Variants in ALK observed in about 807,000 individuals in gnomAD.
ALK encodes ALK receptor tyrosine kinase.
ALK carries 74 observed loss-of-function variants against 163.1 expected under a neutral mutation model. The ratio of observed to expected loss-of-function variants is 0.45; its 90% confidence interval spans 0.38 to 0.55. ALK has a LOEUF of 0.55. Among genes scored for constraint, ALK ranks in the 20% least tolerant of loss-of-function variants. ALK has a pLI of 0.00. For synonymous variants in ALK, 960 were observed against 843.2 expected, an observed-to-expected ratio of 1.14 and a Z score of -2.40; for missense variants, 2,063 against 2,105.3, an observed-to-expected ratio of 0.98 and a Z score of 0.39.
At chr2:29,711,564 C>T (rs918221754) in intron 2 of ALK, among the ~76,000 whole-genome samples, 48 of 152,192 alleles carry the variant, frequency 3.2e-4, no homozygotes, top group African/African-American at 1.0e-3. Context: ...CGACTGTTGA[C>T]ATCCCTTCTC....
At chr2:29,534,793 ATGTAAATTC>A (rs1673209843) in intron 3 of ALK, among the ~76,000 whole-genome samples, 1 of 152,136 alleles carries the variant, frequency 6.6e-6, no homozygotes, top group Non-Finnish European at 1.5e-5. Context: ...GTGGCCATGC[ATGTAAATTC>A]TGTCCCCGAA....
intron 1 of ALK, among the ~76,000 whole-genome samples, chr2:29,732,681 G>C (rs2148318587): frequency 6.6e-6 from 1 of 152,270 alleles, no homozygotes; most frequent in Middle Eastern, 3.4e-3. Flanking sequence ...GCTTTTGGCA[G>C]AGCTCTCATA....
intron 6 of ALK, among the ~76,000 whole-genome samples, chr2:29,324,171 A>G (rs1017699984): frequency 1.3e-5 from 2 of 152,340 alleles, no homozygotes; most frequent in South Asian, 4.1e-4. Context: ...TCAATCCTGC[A>G]ACATTTGGCA....
At chr2:29,829,058 C>T (rs1480201965) in intron 1 of ALK, among the ~76,000 whole-genome samples, 6 of 150,502 alleles carry the variant, frequency 4.0e-5, no homozygotes, top group Admixed American at 6.6e-5. Context: ...AGCAAACTAT[C>T]GCAAGGACAA....
At chr2:29,385,613 A>G (rs1273880771) in intron 4 of ALK, among the ~76,000 whole-genome samples, 2 of 152,152 alleles carry the variant, frequency 1.3e-5, no homozygotes, top group East Asian at 1.9e-4. Flanking sequence ...CTGGTCTCCA[A>G]TTCCTGGATT....
chr2:29,674,615 A>G (rs911967301), intron 3 of ALK, among the ~76,000 whole-genome samples: 1 of 151,478 alleles, frequency 6.6e-6, no homozygotes, highest in African/African-American at 2.4e-5. Flanking sequence ...ATGTTCATCA[A>G]GGATATTGGT....
In ALK at chr2:29,920,827, G is replaced by C; in HGVS notation, c.-168C>G. On this transcript the variant is annotated 5_prime_UTR_variant, in exon 1 of 29. Transcript: ENST00000389048. ...GTCTCTTGCTTTCCCCCAACTGCAC[G>C]GAGGCGAGCAGGAGTCTAAATGAAA... The C allele has an allele frequency of 1.6e-6, 1 of 641,916 alleles. No individual in the cohort carries two copies. The highest frequency in any genetic ancestry group is 2.7e-6 in the Non-Finnish European group (1 of 374,144). The allele number at this position is 641,916 out of a possible 1,614,324, so 39.8% of individuals were successfully genotyped here.
chr2:29,267,597 C>T (rs1463318124), intron 11 of ALK, among the ~76,000 whole-genome samples: 1 of 152,176 alleles, frequency 6.6e-6, no homozygotes, highest in Non-Finnish European at 1.5e-5. Flanking sequence ...ATAGCTAAGG[C>T]AATTCCACCT....
At chr2:29,562,019 G>A (rs1674038238) in intron 3 of ALK, among the ~76,000 whole-genome samples, 1 of 152,162 alleles carries the variant, frequency 6.6e-6, no homozygotes, top group South Asian at 2.1e-4. Context: ...AATAGAGAGA[G>A]GAGGATGGAC....
chr2:29,449,346 G>T (rs1234491302), intron 4 of ALK, among the ~76,000 whole-genome samples: 1 of 152,202 alleles, frequency 6.6e-6, no homozygotes, highest in Non-Finnish European at 1.5e-5. Flanking sequence ...TGCCTAGTGG[G>T]TGGGTAAGTG....
intron 1 of ALK, among the ~76,000 whole-genome samples, chr2:29,886,753 C>T (rs1461001477): frequency 3.3e-5 from 5 of 152,210 alleles, no homozygotes; most frequent in Non-Finnish European, 5.9e-5. Flanking sequence ...TCATTTACAA[C>T]ATGGGAATCA....
chr2:29,198,062 T>C (rs1159654599), intron 26 of ALK, among the ~76,000 whole-genome samples: 2 of 152,256 alleles, frequency 1.3e-5, no homozygotes, highest in African/African-American at 4.8e-5. Context: ...ATTGAGTAGT[T>C]GGTTTGCCTT....
chr2:29,467,987 T>A (rs544134462), intron 4 of ALK, among the ~76,000 whole-genome samples: 6 of 152,270 alleles, frequency 3.9e-5, no homozygotes, highest in African/African-American at 9.6e-5. Flanking sequence ...ATGATAAGAA[T>A]CGATATATAT....
At chr2:29,373,560 G>C (rs1231756146) in intron 5 of ALK, among the ~76,000 whole-genome samples, 1 of 152,218 alleles carries the variant, frequency 6.6e-6, no homozygotes. Context: ...TTCTGGGCAA[G>C]TTCCAATGAT....
intron 3 of ALK, among the ~76,000 whole-genome samples, chr2:29,604,169 T>TG (rs1375354588): frequency 1.3e-5 from 2 of 151,730 alleles, no homozygotes; most frequent in East Asian, 3.9e-4. Flanking sequence ...AGAAGTTTTT[T>TG]TTTTTTTTTT....
At chr2:29,655,466 G>A (rs999128549) in intron 3 of ALK, among the ~76,000 whole-genome samples, 5 of 152,110 alleles carry the variant, frequency 3.3e-5, no homozygotes, top group South Asian at 2.1e-4. Context: ...AGTATCTTAC[G>A]GGGTCCCACA....
At chr2:29,421,836 C>A (rs1670022803) in intron 4 of ALK, among the ~76,000 whole-genome samples, 1 of 151,660 alleles carries the variant, frequency 6.6e-6, no homozygotes, top group Non-Finnish European at 1.5e-5. Flanking sequence ...GAATTTAAAC[C>A]TTCCTCCAGA....
rs368304585 is a variant in ALK, at chr2:29,855,449, A to C, written c.667+64544T>G. Among the ~76,000 whole-genome samples, 4 of 152,122 alleles carry C rather than the reference A, an allele frequency of 2.6e-5. No homozygotes were observed. The East Asian group carries it at 7.7e-4, about 29-fold the overall frequency. On this transcript the variant is annotated intron_variant, in intron 1 of 28. Transcript: ENST00000389048. ...GAACAGTTAGCCCCTTCTTCCTTCT[A>C]CCAAGAGATCACTACCTCACACCCC...
chr2:29,907,973 T>C (rs1235022873), intron 1 of ALK, among the ~76,000 whole-genome samples: 3 of 152,194 alleles, frequency 2.0e-5, no homozygotes, highest in Admixed American at 2.0e-4. Context: ...TTGTTCCTCT[T>C]ATATCTGGGC....
Sources: allele counts gnomAD v4.1 joint callset (sites outside exome capture counted in the v4.1 genomes callset), GRCh38; gene constraint gnomAD v4.1.1; transcripts MANE v1.5; gene names NCBI Gene and HGNC (gene_info 2026-07-23, HGNC 2026-07-21).